The following HIBCH variants were observed in gnomAD, a reference collection of about 807,000 sequenced individuals.
The protein encoded by HIBCH is 3-hydroxyisobutyryl-CoA hydrolase, also known as 3-hydroxyisobutyryl-CoA hydrolase, mitochondrial.
Under a neutral mutation model 58.2 loss-of-function variants are expected in HIBCH, and 50 were observed. The observed-to-expected ratio is 0.86, with a 90% CI of 0.68 to 1.09. The LOEUF (loss-of-function observed/expected upper bound fraction) is 1.09. Among genes scored for constraint, HIBCH ranks in the 50% least tolerant of loss-of-function variants. HIBCH has a pLI of 0.00. For missense variants in HIBCH, 450 were observed against 449.7 expected (o/e 1.00, Z -0.01); for synonymous variants, 151 against 146.9 (o/e 1.03, Z -0.20).
Position 190,204,393 on chromosome 2 carries a change from C to A in HIBCH, c.*724G>T, listed in dbSNP as rs1320677736. The A allele has an allele frequency of 6.6e-6, 1 of 152,016 alleles. No individual in the cohort carries two copies. Among genetic ancestry groups the A allele is most frequent in the Admixed American group, 6.6e-5 (1 of 15,254 alleles). The allele number at this position is 152,016 out of a possible 1,614,324, so 9.4% of individuals were successfully genotyped here. A position where few individuals can be genotyped will look rare whatever the true frequency, so the allele number is the denominator to read the frequency against. ...TATCACAAATAACAAGAAAATAATC[C>A]TTTCAGTTTCACCATGGGATGGTAT... On this transcript the variant is annotated 3_prime_UTR_variant, in exon 14 of 14. Coordinates refer to ENST00000359678, the MANE Select transcript of HIBCH (RefSeq NM_014362.4).
intron 6 of HIBCH, among the ~76,000 whole-genome samples, chr2:190,276,491 A>T (rs1177404894): frequency 1.3e-5 from 2 of 152,200 alleles, no homozygotes; most frequent in East Asian, 3.8e-4. Context: ...AGGTGTGGTC[A>T]TGGGGGCAGA....
At chr2:190,312,382 T>C (rs911286728) in intron 1 of HIBCH, among the ~76,000 whole-genome samples, 1 of 152,234 alleles carries the variant, frequency 6.6e-6, no homozygotes, top group Non-Finnish European at 1.5e-5. Context: ...ATTTAAGATC[T>C]ATGGAAAGAG....
downstream of HIBCH, chr2:190,200,325 C>T: frequency 1.6e-6 from 1 of 608,814 alleles, no homozygotes; most frequent in East Asian, 2.9e-5. Context: ...TCTATGTTAA[C>T]AGCAATTTCT....
downstream of HIBCH, chr2:190,201,143 G>GTTAT: frequency 6.0e-6 from 1 of 167,028 alleles, no homozygotes; most frequent in South Asian, 2.1e-4. Context: ...CTGGGTTTTT[G>GTTAT]TTATTTTTTA....
At chr2:190,248,944 G>A (rs564261578) in intron 9 of HIBCH, among the ~76,000 whole-genome samples, 2 of 152,140 alleles carry the variant, frequency 1.3e-5, no homozygotes, top group African/African-American at 4.8e-5. Context: ...TCTTCAGAGG[G>A]ACCTAGTCCC....
chr2:190,206,957 C>G lies in HIBCH; in HGVS notation c.1046-1725G>C, dbSNP rs916664837. On this transcript the variant is annotated intron_variant, in intron 13 of 13. Coordinates refer to ENST00000359678, the MANE Select transcript of HIBCH (RefSeq NM_014362.4). This position sits in a 1 kb window ranked among gnomAD's most constrained non-coding sequence, Gnocchi z 5.1. ...TGGCTAACACTGTGAAACCCCGTCT[C>G]TACTAAAAATACAAAAAAATTAGGC... 6.6e-6 allele frequency among the ~76,000 whole-genome samples: 1 copy of G among 152,048 alleles called. No individual in the cohort carries two copies. Among genetic ancestry groups the G allele is most frequent in the South Asian group, 2.1e-4 (1 of 4,816 alleles).
intron 7 of HIBCH, among the ~76,000 whole-genome samples, chr2:190,256,536 C>CA (rs538019926): frequency 9.6e-4 from 144 of 149,450 alleles, no homozygotes; most frequent in Non-Finnish European, 1.7e-3. Context: ...GAAGAAATCT[C>CA]AAAAATACTT....
At position 190,214,688 on chromosome 2, in the gene HIBCH, C is replaced by G. The variant is rs1690589851; in HGVS notation, c.892-1613G>C. The G allele has an allele frequency of 2.6e-5, 4 of 152,194 alleles. 1 individual carries two copies. In the South Asian group the frequency reaches 8.3e-4, roughly 32 times the overall value. The allele number at this position is 152,194 out of a possible 1,614,324, so 9.4% of individuals were successfully genotyped here. On this transcript the variant is annotated intron_variant, in intron 11 of 13. Transcript: ENST00000359678. The surrounding 1 kb of genome is among the most constrained non-coding windows in gnomAD (Gnocchi z 5.5). The stretch of plus-strand genomic sequence containing the variant: ...CTTTGTTGGATTAGTGATTTAACCC[C>G]ATGTTCCCCCTTAAAGAGGAAGAGC...
At chr2:190,231,768 A>G (rs1575709492) in intron 11 of HIBCH, among the ~76,000 whole-genome samples, 1 of 152,258 alleles carries the variant, frequency 6.6e-6, no homozygotes, top group East Asian at 1.9e-4. Flanking sequence ...AAGGAGAAGA[A>G]GGAATAAAGG....
At chr2:190,192,252 G>A (rs73053721) in intron 1 of HIBCH, among the ~76,000 whole-genome samples, 8,912 of 151,980 alleles carry the variant, frequency 0.059, 860 homozygotes, top group African/African-American at 0.2. Context: ...TCAAGTATCA[G>A]TTTACCATAT....
intron 11 of HIBCH, among the ~76,000 whole-genome samples, chr2:190,240,507 G>C (rs576121669): frequency 5.3e-5 from 8 of 151,936 alleles, no homozygotes; most frequent in Non-Finnish European, 8.8e-5. Flanking sequence ...GTTCTGCTTT[G>C]TTATTTCCTG....
At chr2:190,247,364 A>T (rs1686640306) in intron 9 of HIBCH, among the ~76,000 whole-genome samples, 1 of 152,188 alleles carries the variant, frequency 6.6e-6, no homozygotes, top group African/African-American at 2.4e-5. Context: ...AATTCATCAC[A>T]TATTTACTCA....
chr2:190,199,345 CAAA>C (rs941782843), downstream of HIBCH, among the ~76,000 whole-genome samples: 1 of 152,048 alleles, frequency 6.6e-6, no homozygotes, highest in African/African-American at 2.4e-5. Context: ...CATGGCTGTA[CAAA>C]AATAGGTAGC....
At position 190,254,045 on chromosome 2, in the gene HIBCH, G is replaced by A. The variant is rs1197367161; in HGVS notation, c.518-1738C>T. Among the ~76,000 whole-genome samples the A allele has an allele frequency of 6.6e-6, 1 of 151,830 alleles. No individual in the cohort carries two copies. Among genetic ancestry groups the A allele is most frequent in the Non-Finnish European group, 1.5e-5 (1 of 67,978 alleles). On this transcript the variant is annotated intron_variant, in intron 7 of 13. Coordinates refer to ENST00000359678, the MANE Select transcript of HIBCH (RefSeq NM_014362.4). The surrounding 1 kb of genome is among the most constrained non-coding windows in gnomAD (Gnocchi z 5.0). ...TCAAGGTGCCTAAGCTCCATATTAG[G>A]CTACCTCCTCTTTCCTATATATACA...
Position 190,310,790 on chromosome 2 carries a change from A to C in HIBCH, c.42T>G (p.Asn14Lys). The change falls in exon 2 of 14, where the codon AAT (asparagine) becomes AAG (lysine). Residue 14 changes from asparagine (N) to lysine (K), a missense_variant. Coordinates refer to ENST00000359678, the MANE Select transcript of HIBCH (RefSeq NM_014362.4). ...GTATGGTATTAGTCCTTTTGAATGC[A>C]TTAAACCTGAAACAAATGTGGAAAA... ...REMWRLMSRF[N>K]AFKRTNTILH... 1 of 1,607,224 alleles carries C rather than the reference A, an allele frequency of 6.2e-7. No homozygotes were observed. Among genetic ancestry groups the C allele is most frequent in the Non-Finnish European group, 8.5e-7 (1 of 1,173,650 alleles).
chr2:190,268,572 T>C (rs149191652), intron 6 of HIBCH, among the ~76,000 whole-genome samples: 3 of 152,328 alleles, frequency 2.0e-5, no homozygotes, highest in East Asian at 3.9e-4. Context: ...ACTGTTCCAA[T>C]AGGAGAAGAA....
At chr2:190,194,074 T>C (rs1200297412) in intron 1 of HIBCH, among the ~76,000 whole-genome samples, 3 of 152,200 alleles carry the variant, frequency 2.0e-5, no homozygotes, top group South Asian at 2.1e-4. Context: ...TTTCCAAATA[T>C]ATGAGGCTTT....
intron 7 of HIBCH, among the ~76,000 whole-genome samples, chr2:190,259,565 AT>A (rs1474287685): frequency 6.6e-6 from 1 of 152,016 alleles, no homozygotes. Context: ...CGCCATACAG[AT>A]TTTACCTACT....
In HIBCH at chr2:190,219,564, T is replaced by G. The variant is rs192029014; in HGVS notation, c.892-6489A>C. 2.1e-3 allele frequency among the ~76,000 whole-genome samples: 317 copies of G among 152,304 alleles called. 1 individual carries two copies. Among genetic ancestry groups the G allele is most frequent in the Admixed American group, 3.7e-3 (56 of 15,306 alleles). On this transcript the variant is annotated intron_variant, in intron 11 of 13. Coordinates refer to ENST00000359678, the MANE Select transcript of HIBCH (RefSeq NM_014362.4). Reference sequence around the variant, plus strand: ...TCGGCCTGCCCAGCAACTTAGGTCATAAGTCAAATACTTGAAGAGCCCCTG... The same window carrying G: ...TCGGCCTGCCCAGCAACTTAGGTCAGAAGTCAAATACTTGAAGAGCCCCTG...
Sources: gnomAD v4.1 joint callset for allele counts (sites outside exome capture counted in the v4.1 genomes callset) on GRCh38, gnomAD v4.1.1 for gene constraint, Gnocchi (gnomAD v3.1) non-coding constraint, MANE v1.5 for transcripts, NCBI Gene and HGNC (gene_info 2026-07-23, HGNC 2026-07-21) for gene names.